The following TPO variants were observed in gnomAD, a reference collection of about 807,000 sequenced individuals.
TPO encodes thyroid microsomal antigen.
A neutral mutation model predicts 96.9 loss-of-function variants in TPO; 78 were observed. The observed-to-expected ratio is 0.81, with a 90% CI of 0.67 to 0.97. The LOEUF (loss-of-function observed/expected upper bound fraction) is 0.97. Ranked by LOEUF, TPO falls within the 50% of genes least tolerant of loss-of-function variation. TPO has a pLI of 0.00. For synonymous variants in TPO, 547 were observed against 538.0 expected (o/e 1.02, Z -0.23); for missense variants, 1,252 against 1,274.8 (o/e 0.98, Z 0.27).
intron 15 of TPO, among the ~76,000 whole-genome samples, chr2:1,525,918 C>CGTACTGTGTGCAA (rs1676356405): frequency 1.4e-5 from 2 of 144,162 alleles, no homozygotes; most frequent in South Asian, 2.3e-4. Flanking sequence ...CTCAAATCCC[C>CGTACTGTGTGCAA]CCACTGTGCG....
chr2:1,456,427 A>C, intron 7 of TPO, 145 bp downstream of exon 7: 27 of 848,694 alleles, frequency 3.2e-5, no homozygotes, highest in Non-Finnish European at 4.5e-5. Context: ...GGTGCATCTC[A>C]CTGGAAATTC....
chr2:1,484,228 T>C (rs895587806), intron 8 of TPO, among the ~76,000 whole-genome samples: 6 of 152,140 alleles, frequency 3.9e-5, no homozygotes, highest in Admixed American at 3.3e-4. Flanking sequence ...GGGAATTAGG[T>C]ATTATTGTTG....
intron 7 of TPO, among the ~76,000 whole-genome samples, chr2:1,468,833 G>A (rs1669129764): frequency 6.6e-6 from 1 of 152,134 alleles, no homozygotes; most frequent in South Asian, 2.1e-4. Context: ...TCTTCCTCAG[G>A]AATGCTAATT....
chr2:1,431,659 C>T (rs1375938880), intron 3 of TPO, among the ~76,000 whole-genome samples: 3 of 152,176 alleles, frequency 2.0e-5, no homozygotes, highest in Non-Finnish European at 4.4e-5. Flanking sequence ...TCTCTCTTAG[C>T]ACATTAGTTT....
At chr2:1,502,397 T>C (rs1269170004) in intron 13 of TPO, among the ~76,000 whole-genome samples, 1 of 152,194 alleles carries the variant, frequency 6.6e-6, no homozygotes, top group African/African-American at 2.4e-5. Context: ...TATACTTCTT[T>C]TTATTTTTTT....
At chr2:1,453,405 G>A (rs542632723) in intron 5 of TPO, among the ~76,000 whole-genome samples, 5 of 152,260 alleles carry the variant, frequency 3.3e-5, no homozygotes, top group East Asian at 1.9e-4. Context: ...ACCCTCCTTC[G>A]GAAAACAGGG....
intron 15 of TPO, 56 bp from the exon 16 acceptor site, chr2:1,540,538 C>CTCCACAG (rs1291640814): frequency 4.4e-5 from 71 of 1,606,782 alleles, no homozygotes; most frequent in Non-Finnish European, 6.0e-5. Context: ...GCTCTCTACC[C>CTCCACAG]TCCACAGTCA....
At chr2:1,471,947 T>C (rs1452662701) in intron 7 of TPO, among the ~76,000 whole-genome samples, 1 of 150,644 alleles carries the variant, frequency 6.6e-6, no homozygotes, top group Non-Finnish European at 1.5e-5. Context: ...TGAAAGTTCA[T>C]AGCACATGCC....
At chr2:1,390,310 T>C (rs1052254022) in intron 1 of TPO, among the ~76,000 whole-genome samples, 4 of 152,172 alleles carry the variant, frequency 2.6e-5, no homozygotes, top group Non-Finnish European at 5.9e-5. Context: ...GAATGATGGT[T>C]TCGAGCTTCA....
chr2:1,469,707 C>A (rs1431158542), intron 7 of TPO, among the ~76,000 whole-genome samples: 1 of 152,182 alleles, frequency 6.6e-6, no homozygotes, highest in Non-Finnish European at 1.5e-5. Context: ...CGGGTAAAGT[C>A]AGAATCTTCT....
intron 1 of TPO, among the ~76,000 whole-genome samples, chr2:1,381,545 G>T (rs1358976351): frequency 1.3e-5 from 2 of 152,154 alleles, no homozygotes; most frequent in East Asian, 1.9e-4. Flanking sequence ...CAACACTGGG[G>T]ATGACATTTC....
Position 1,487,522 on chromosome 2 carries a change from CAGG to C in TPO, c.1598-296_1598-294del, listed in dbSNP as rs201381650. ...GGCCGAGGCAGGCAGATCACCAGGTCAGGAGATTGAGACCATCCTGGCTAACAC... is the reference window on the plus strand; with the variant it reads ...GGCCGAGGCAGGCAGATCACCAGGTCAGATTGAGACCATCCTGGCTAACAC... On this transcript the variant is annotated intron_variant, in intron 9 of 16. Coordinates refer to ENST00000329066, the MANE Select transcript of TPO (RefSeq NM_001206744.2). Among the ~76,000 whole-genome samples the C allele has an allele frequency of 9.9e-3, 1,509 of 152,304 alleles. 27 individuals carry two copies. The highest frequency in any genetic ancestry group is 0.034 in the African/African-American group (1,433 of 41,556).
Position 1,542,521 on chromosome 2 carries a change from C to T in TPO, c.*47C>T. 1.2e-6 allele frequency: 2 copies of T among 1,612,202 alleles called. No individual in the cohort carries two copies. The highest frequency in any genetic ancestry group is 1.7e-6 in the Non-Finnish European group (2 of 1,179,190). On this transcript the variant is annotated 3_prime_UTR_variant, in exon 17 of 17. Coordinates refer to ENST00000329066, the MANE Select transcript of TPO (RefSeq NM_001206744.2). Reference sequence around the variant, plus strand: ...CAGAACAGCTTCATGTTCCCAAAATCACCGTACGACTCTTTTCCAAACACA... The same window carrying T: ...CAGAACAGCTTCATGTTCCCAAAATTACCGTACGACTCTTTTCCAAACACA...
Position 1,481,768 on chromosome 2 carries a change from C to T in TPO, c.1339-2828C>T, listed in dbSNP as rs144987055. ...GCAGTGGGTGCTGTTGCTGCCCCAC[C>T]CAGGCCCCTTTATCTGCAGGGCCCC... On this transcript the variant is annotated intron_variant, in intron 8 of 16. Coordinates refer to ENST00000329066, the MANE Select transcript of TPO (RefSeq NM_001206744.2). Among the ~76,000 whole-genome samples the T allele has an allele frequency of 5.1e-3, 774 of 152,304 alleles. 7 individuals carry two copies. Among genetic ancestry groups the T allele is most frequent in the African/African-American group, 0.017 (713 of 41,566 alleles).
intron 7 of TPO, among the ~76,000 whole-genome samples, chr2:1,469,268 G>T (rs1023624567): frequency 2.0e-5 from 3 of 152,176 alleles, no homozygotes; most frequent in African/African-American, 4.8e-5. Flanking sequence ...ATTTTAGGGG[G>T]TGTTAAAGAG....
intron 3 of TPO, among the ~76,000 whole-genome samples, chr2:1,432,674 G>A (rs527764603): frequency 2.1e-5 from 2 of 97,294 alleles, no homozygotes; most frequent in South Asian, 5.6e-4. Context: ...GGTGGGGTGA[G>A]GCCTGCAGGT....
chr2:1,519,308 G>T (rs1675013459), intron 15 of TPO, among the ~76,000 whole-genome samples: 1 of 152,228 alleles, frequency 6.6e-6, no homozygotes, highest in Non-Finnish European at 1.5e-5. Context: ...CTTGCTCAAA[G>T]CTGGTAGGCC....
chr2:1,496,857 AG>A, intron 13 of TPO, 92 bp downstream of exon 13: 1 of 1,583,634 alleles, frequency 6.3e-7, no homozygotes. Context: ...CTTCGCCAAA[AG>A]GTGCTTCTGA....
chr2:1,380,151 T>G (rs950191552), intron 1 of TPO, among the ~76,000 whole-genome samples: 1 of 152,110 alleles, frequency 6.6e-6, no homozygotes, highest in Non-Finnish European at 1.5e-5. Flanking sequence ...TCCCAGCACT[T>G]TGGGAGGCCG....
Sources: allele counts gnomAD v4.1 joint callset (sites outside exome capture counted in the v4.1 genomes callset), GRCh38; gene constraint gnomAD v4.1.1; transcripts MANE v1.5; gene names NCBI Gene and HGNC (gene_info 2026-07-23, HGNC 2026-07-21).